The following RAB37 variants were observed in gnomAD, a reference collection of about 807,000 sequenced individuals.
RAB37 encodes RAB37, member RAS oncogene family, also known as ras-related protein Rab-37.
In RAB37, 29 loss-of-function variants were observed where a neutral mutation model predicts 33.1. That is an observed-to-expected ratio of 0.88 (90% confidence interval 0.65 to 1.20). The LOEUF is 1.20. RAB37 is among the 50% of genes most tolerant of loss of function. The pLI, the probability that RAB37 is intolerant of heterozygous loss-of-function variation, is 0.00. For synonymous variants in RAB37, 128 were observed against 119.5 expected (o/e 1.07, Z -0.47); for missense variants, 299 against 301.1 (o/e 0.99, Z 0.05).
intron 1 of RAB37, among the ~76,000 whole-genome samples, chr17:74,699,051 G>A (rs909398340): frequency 6.6e-6 from 1 of 151,632 alleles, no homozygotes; most frequent in Non-Finnish European, 1.5e-5. Context: ...CCCAAGTAGC[G>A]GGGATTACAG....
intron 1 of RAB37, among the ~76,000 whole-genome samples, chr17:74,684,457 T>A (rs1373418146): frequency 6.6e-6 from 1 of 151,874 alleles, no homozygotes; most frequent in African/African-American, 2.4e-5. Flanking sequence ...AAAGAAAAAA[T>A]TTCCTGTGAT....
chr17:74,745,080 G>T lies in RAB37; in HGVS notation c.562G>T (p.Ala188Ser). Residue 188 changes from alanine (A) to serine (S), a missense_variant, in exon 8 of 9, where the codon GCC becomes TCC. Ala to Ser is a moderately conservative substitution (Grantham distance 99). Coordinates refer to ENST00000392613, the MANE Select transcript of RAB37 (RefSeq NM_001006638.3). This position sits in a 1 kb window ranked among gnomAD's most constrained non-coding sequence, Gnocchi z 4.5. ...MNVELAFLAI[A>S]KELKYRAGHQ... ...TGTGGAGTTAGCCTTTCTGGCCATCGCCAAGTGAGAGCTGGGCAGGGAAGG... is the reference window on the plus strand; with the variant it reads ...TGTGGAGTTAGCCTTTCTGGCCATCTCCAAGTGAGAGCTGGGCAGGGAAGG... The T allele has an allele frequency of 6.2e-7, 1 of 1,614,084 alleles. No homozygotes were observed. The highest frequency in any genetic ancestry group is 8.5e-7 in the Non-Finnish European group (1 of 1,179,994).
intron 1 of RAB37, among the ~76,000 whole-genome samples, chr17:74,718,831 G>A (rs2034202500): frequency 6.6e-6 from 1 of 152,130 alleles, no homozygotes; most frequent in Admixed American, 6.5e-5. Flanking sequence ...CCAATCTTTT[G>A]TTCTTCTGTA....
intron 1 of RAB37, among the ~76,000 whole-genome samples, chr17:74,681,232 G>T (rs1358449362): frequency 6.6e-6 from 1 of 152,176 alleles, no homozygotes; most frequent in African/African-American, 2.4e-5. Context: ...AGCCCTTGGG[G>T]ACCAGGTCAA....
intron 1 of RAB37, among the ~76,000 whole-genome samples, chr17:74,709,414 C>CACACTG (rs1454547388): frequency 2.0e-5 from 3 of 152,134 alleles, no homozygotes; most frequent in African/African-American, 7.2e-5. Flanking sequence ...TATCAAAAAC[C>CACACTG]TCAGCAAGCA....
upstream of RAB37, among the ~76,000 whole-genome samples, chr17:74,736,347 T>C (rs567636674): frequency 8.4e-4 from 128 of 152,256 alleles, no homozygotes; most frequent in Middle Eastern, 6.8e-3. Flanking sequence ...ATGGGGGTAA[T>C]TGAAAGGTCG....
At chr17:74,714,983 G>T (rs1444597426) in intron 1 of RAB37, among the ~76,000 whole-genome samples, 1 of 152,182 alleles carries the variant, frequency 6.6e-6, no homozygotes, top group Non-Finnish European at 1.5e-5. Context: ...TTAGCCGGGT[G>T]TGGTGGTGGG....
chr17:74,736,711 G>C (rs1376243478), upstream of RAB37: 6 of 1,535,710 alleles, frequency 3.9e-6, no homozygotes, highest in Admixed American at 2.0e-5. Context: ...CCAAAACACC[G>C]CAGCGTACAT....
chr17:74,700,732 A>C (rs1433929214), intron 1 of RAB37, among the ~76,000 whole-genome samples: 1 of 152,140 alleles, frequency 6.6e-6, no homozygotes, highest in East Asian at 1.9e-4. Flanking sequence ...AGCATGGGTG[A>C]CAGAGCAACA....
chr17:74,690,604 G>A (rs575419022), intron 1 of RAB37, among the ~76,000 whole-genome samples: 1 of 152,226 alleles, frequency 6.6e-6, no homozygotes, highest in South Asian at 2.1e-4. Context: ...CCTGCCTCTT[G>A]CGTATATCTG....
chr17:74,724,846 C>A (rs150849008), intron 1 of RAB37, among the ~76,000 whole-genome samples: 61 of 152,296 alleles, frequency 4.0e-4, no homozygotes, highest in East Asian at 3.3e-3. Context: ...TCTTTTGTGG[C>A]TCTTCAGTTG....
chr17:74,722,294 A>C (rs990312346), intron 1 of RAB37, among the ~76,000 whole-genome samples: 5 of 152,046 alleles, frequency 3.3e-5, no homozygotes, highest in African/African-American at 1.2e-4. Flanking sequence ...AAAAAAAAAA[A>C]AAAAAGAAAG....
At position 74,729,826 on chromosome 17, in the gene RAB37, A is replaced by G. The variant is rs1164273102; in HGVS notation, c.183+460A>G. Among the ~76,000 whole-genome samples, 3 of 152,182 alleles carry G rather than the reference A, an allele frequency of 2.0e-5. No homozygotes were observed. Among genetic ancestry groups the G allele is most frequent in the Non-Finnish European group, 4.4e-5 (3 of 68,030 alleles). ...AAGCCAGAAAGCAAAAAATATTTTA[A>G]TATGGGATAGCTCAGGTCAGCCCTC... is the stretch of plus-strand genomic sequence containing the variant. On this transcript the variant is annotated intron_variant, in intron 2 of 7. Coordinates refer to the RAB37 transcript ENST00000340415. The surrounding 1 kb of genome is among the most constrained non-coding windows in gnomAD (Gnocchi z 4.2).
In RAB37 at chr17:74,740,784, A is replaced by G; in HGVS notation, c.110A>G (p.Asp37Gly). Reference protein sequence around the residue: ...DLTGKVMLLGDTGVGKTCFLI... With the variant: ...DLTGKVMLLGGTGVGKTCFLI... ...ACCCCCTAGGTGATGCTTCTGGGAGACACAGGCGTCGGCAAAACATGTTTC... is the reference window on the plus strand; with the variant it reads ...ACCCCCTAGGTGATGCTTCTGGGAGGCACAGGCGTCGGCAAAACATGTTTC... The change falls in exon 2 of 9, where the codon GAC becomes GGC. Residue 37 changes from aspartate to glycine, a missense_variant. Physicochemically the swap from Asp to Gly is moderately conservative, Grantham distance 94. Transcript: ENST00000392613. 1 of 1,613,898 alleles carries G rather than the reference A, an allele frequency of 6.2e-7. No individual in the cohort carries two copies. Among genetic ancestry groups the G allele is most frequent in the African/African-American group, 1.3e-5 (1 of 75,044 alleles).
chr17:74,704,383 A>AATTG, intron 1 of RAB37: 1 of 915,710 alleles, frequency 1.1e-6, no homozygotes, highest in Non-Finnish European at 1.7e-6. Context: ...CAAGTGATAG[A>AATTG]TCACTCAGTG....
At chr17:74,689,947 G>T (rs907629749) in intron 1 of RAB37, among the ~76,000 whole-genome samples, 1 of 152,054 alleles carries the variant, frequency 6.6e-6, no homozygotes, top group African/African-American at 2.4e-5. Context: ...AAGCTTACAG[G>T]CTTATCAAGT....
intron 1 of RAB37, among the ~76,000 whole-genome samples, chr17:74,682,326 G>GTC (rs991395600): frequency 1.2e-4 from 18 of 151,208 alleles, no homozygotes; most frequent in South Asian, 1.0e-3. Context: ...CTCACTCTCT[G>GTC]TCTCTCTCTC....
chr17:74,685,624 A>T (rs1199544811), intron 1 of RAB37, among the ~76,000 whole-genome samples: 1 of 152,048 alleles, frequency 6.6e-6, no homozygotes, highest in Admixed American at 6.6e-5. Context: ...TAAAAGAGAA[A>T]CCCCAATCCA....
chr17:74,705,091 C>T lies in RAB37; in HGVS notation c.73-24165C>T. 4.6e-6 allele frequency: 3 copies of T among 654,746 alleles called. No individual in the cohort carries two copies. The East Asian group carries it at 8.2e-5, about 18-fold the overall frequency. The allele number at this position is 654,746 out of a possible 1,614,324, so 40.6% of individuals were successfully genotyped here. A position where few individuals can be genotyped will look rare whatever the true frequency, so the allele number is the denominator to read the frequency against. Reference sequence around the variant, plus strand: ...CCTGCAGTTCACCCCTCTCTCCACCCTACGGCCAAGGTAATCTGTATATTT... The same window carrying T: ...CCTGCAGTTCACCCCTCTCTCCACCTTACGGCCAAGGTAATCTGTATATTT... On this transcript the variant is annotated intron_variant, in intron 1 of 7. Coordinates refer to the RAB37 transcript ENST00000340415.
Sources: gnomAD v4.1 joint callset for allele counts (sites outside exome capture counted in the v4.1 genomes callset) on GRCh38, gnomAD v4.1.1 for gene constraint, Gnocchi (gnomAD v3.1) non-coding constraint, MANE v1.5 for transcripts, NCBI Gene and HGNC (gene_info 2026-07-23, HGNC 2026-07-21) for gene names.